The following CLIC5 variants were observed in gnomAD, a reference collection of about 807,000 sequenced individuals.
The protein encoded by CLIC5 is CLIC family member 5, also known as chloride intracellular channel protein 5.
In CLIC5, 20 loss-of-function variants were observed where a neutral mutation model predicts 24.7. That is an observed-to-expected ratio of 0.81 (90% CI 0.57 to 1.18). The LOEUF is 1.18. Among genes scored for constraint, CLIC5 ranks in the 50% most tolerant of loss-of-function variants. The probability of loss-of-function intolerance (pLI) is 0.00; values close to 1 mark genes in which losing one functional copy is unlikely to be tolerated. For synonymous variants in CLIC5, 159 were observed against 135.6 expected (o/e 1.17, Z -1.20); for missense variants, 341 against 326.1 (o/e 1.05, Z -0.35).
intron 1 of CLIC5, among the ~76,000 whole-genome samples, chr6:46,042,846 A>G (rs562280903): frequency 6.6e-6 from 1 of 152,256 alleles, no homozygotes; most frequent in African/African-American, 2.4e-5. Context: ...AATAGAGACA[A>G]AGCTAGAATC....
downstream of CLIC5, chr6:45,881,008 A>G (rs149484939): frequency 1.3e-3 from 518 of 397,290 alleles, 4 homozygotes; most frequent in East Asian, 0.018. Context: ...CCAGACTTCA[A>G]CAAATATTTA....
At chr6:45,883,262 A>G (rs1368372154) in intron 6 of CLIC5, among the ~76,000 whole-genome samples, 1 of 152,190 alleles carries the variant, frequency 6.6e-6, no homozygotes, top group Non-Finnish European at 1.5e-5. Context: ...TTAGCATACA[A>G]TGGGTTCTGA....
At chr6:46,075,272 A>G (rs1357369616) in intron 1 of CLIC5, among the ~76,000 whole-genome samples, 3 of 152,182 alleles carry the variant, frequency 2.0e-5, no homozygotes, top group African/African-American at 7.2e-5. Flanking sequence ...CCAGACTTCA[A>G]AACCTGCTCT....
In CLIC5 at chr6:46,063,711, T is replaced by C. The variant is rs551742618; in HGVS notation, c.540+15992A>G. ...CCAGGATCTTACACAGGGCTGGTAA[T>C]AATTTGTGTTCCCAGTAGGAAGAGT... On this transcript the variant is annotated intron_variant, in intron 1 of 5. Coordinates refer to the CLIC5 transcript ENST00000185206. Among the ~76,000 whole-genome samples the C allele has an allele frequency of 1.3e-4, 20 of 152,262 alleles. No homozygotes were observed. The East Asian group carries it at 3.5e-3, about 26-fold the overall frequency.
chr6:45,883,281 G>A (rs555279251), intron 6 of CLIC5, among the ~76,000 whole-genome samples: 1 of 152,146 alleles, frequency 6.6e-6, no homozygotes, highest in Non-Finnish European at 1.5e-5. Flanking sequence ...GAGGTGAAGG[G>A]CTTGTTTAAA....
chr6:46,104,790 C>G, the CLIC5 span, among the ~76,000 whole-genome samples: 5 of 152,088 alleles, frequency 3.3e-5, no homozygotes, highest in Middle Eastern at 3.4e-3. Flanking sequence ...TAGAAATTTC[C>G]TTGACTAAAT....
At chr6:45,982,205 C>T (rs1390787668) in intron 1 of CLIC5, among the ~76,000 whole-genome samples, 2 of 151,984 alleles carry the variant, frequency 1.3e-5, no homozygotes, top group Non-Finnish European at 2.9e-5. Context: ...GACACCTAAC[C>T]ATGCAGGGGC....
At chr6:46,094,848 A>G in the CLIC5 span, among the ~76,000 whole-genome samples, 13 of 152,208 alleles carry the variant, frequency 8.5e-5, no homozygotes, top group Non-Finnish European at 1.8e-4. Flanking sequence ...GGGGGCTACA[A>G]TCCCACATTT....
At position 45,933,649 on chromosome 6, in the gene CLIC5, C is replaced by T. The variant is rs371119443; in HGVS notation, c.406+7898G>A. Among the ~76,000 whole-genome samples, 5 of 152,152 alleles carry T rather than the reference C, an allele frequency of 3.3e-5. No homozygotes were observed. In the East Asian group the frequency reaches 5.8e-4, roughly 18 times the overall value. On this transcript the variant is annotated intron_variant, in intron 4 of 5. Coordinates refer to ENST00000339561, the MANE Select transcript of CLIC5 (RefSeq NM_016929.5). ...AAAAAGAGAACTAGGTGCAGCCTTGCGAGTGAAAGGGGTACATCTTTGCAC... is the reference window on the plus strand; with the variant it reads ...AAAAAGAGAACTAGGTGCAGCCTTGTGAGTGAAAGGGGTACATCTTTGCAC...
At chr6:46,003,660 T>A (rs577143773) in intron 1 of CLIC5, among the ~76,000 whole-genome samples, 1 of 152,304 alleles carries the variant, frequency 6.6e-6, no homozygotes, top group African/African-American at 2.4e-5. Flanking sequence ...GGGTTTTGGA[T>A]ACTCCCATGG....
intron 1 of CLIC5, among the ~76,000 whole-genome samples, chr6:45,997,205 G>A (rs59322900): frequency 0.25 from 37,531 of 149,016 alleles, 5,111 homozygotes; most frequent in East Asian, 0.48. Flanking sequence ...TCCTTTGTAG[G>A]GACATGGATG....
chr6:45,890,903 C>G (rs1441667115), intron 6 of CLIC5, among the ~76,000 whole-genome samples: 1 of 151,884 alleles, frequency 6.6e-6, no homozygotes, highest in African/African-American at 2.4e-5. Flanking sequence ...TGGTGGTTAC[C>G]AGAGGCTGGG....
the CLIC5 span, among the ~76,000 whole-genome samples, chr6:46,109,979 T>G: frequency 1.3e-5 from 2 of 152,028 alleles, no homozygotes; most frequent in South Asian, 4.2e-4. Flanking sequence ...CCCACCATAA[T>G]CTAAGCCCAG....
intron 1 of CLIC5, among the ~76,000 whole-genome samples, chr6:45,997,695 CT>C (rs1449001392): frequency 2.0e-5 from 3 of 152,112 alleles, no homozygotes; most frequent in Non-Finnish European, 4.4e-5. Context: ...CAAAAGTGCC[CT>C]TTATTGTTAC....
upstream of CLIC5, among the ~76,000 whole-genome samples, chr6:46,019,387 C>G (rs12213720): frequency 6.6e-6 from 1 of 152,126 alleles, no homozygotes; most frequent in African/African-American, 2.4e-5. Context: ...CATGCAAACA[C>G]TAATCAAAAG....
At chr6:46,073,312 C>T (rs1762670845) in intron 1 of CLIC5, among the ~76,000 whole-genome samples, 1 of 152,112 alleles carries the variant, frequency 6.6e-6, no homozygotes, top group Non-Finnish European at 1.5e-5. Context: ...CCATATATCT[C>T]CCCCTTACCC....
At chr6:45,989,580 G>T (rs553412184) in intron 1 of CLIC5, among the ~76,000 whole-genome samples, 1 of 152,272 alleles carries the variant, frequency 6.6e-6, no homozygotes, top group African/African-American at 2.4e-5. Flanking sequence ...CGTAAGTCAG[G>T]TAATATAGTT....
Position 45,981,733 on chromosome 6 carries a change from G to A in CLIC5, c.64-26489C>T, listed in dbSNP as rs916473784. ...GAAATACAGGGGACAGGCCAGGTGCGGTGGCTCATGCCAATAATCCCAGCA... is the reference window on the plus strand; with the variant it reads ...GAAATACAGGGGACAGGCCAGGTGCAGTGGCTCATGCCAATAATCCCAGCA... On this transcript the variant is annotated intron_variant, in intron 1 of 5. Transcript: ENST00000339561. Among the ~76,000 whole-genome samples, 3 of 152,294 alleles carry A rather than the reference G, an allele frequency of 2.0e-5. No homozygotes were observed. In the East Asian group the frequency reaches 5.8e-4, roughly 29 times the overall value.
At chr6:46,015,413 C>A in intron 1 of CLIC5, 67 bp downstream of exon 1, 6 of 1,428,824 alleles carry the variant, frequency 4.2e-6, no homozygotes, top group Non-Finnish European at 4.7e-6. Flanking sequence ...CAGCGCACCC[C>A]GAGCCCTGGT....
Sources: allele counts gnomAD v4.1 joint callset (sites outside exome capture counted in the v4.1 genomes callset), GRCh38; gene constraint gnomAD v4.1.1; transcripts MANE v1.5; gene names NCBI Gene and HGNC (gene_info 2026-07-23, HGNC 2026-07-21).